Variants in ARHGAP24 observed in about 807,000 individuals in gnomAD.
ARHGAP24 encodes the protein rho GTPase-activating protein 24.
Under a neutral mutation model 76.4 loss-of-function variants are expected in ARHGAP24, and 50 were observed. That is an observed-to-expected ratio of 0.65 (90% CI 0.52 to 0.83). The LOEUF is 0.83. ARHGAP24 is among the 40% of genes least tolerant of loss of function. The pLI is 0.00. For missense variants in ARHGAP24, 930 were observed against 914.2 expected (o/e 1.02, Z -0.22); for synonymous variants, 345 against 323.3 (o/e 1.07, Z -0.72).
At chr4:85,675,741 C>T (rs1296584607) in intron 2 of ARHGAP24, among the ~76,000 whole-genome samples, 1 of 152,172 alleles carries the variant, frequency 6.6e-6, no homozygotes, top group Non-Finnish European at 1.5e-5. Context: ...TTATGTTGAG[C>T]TTCAGTTGGC....
In ARHGAP24 at chr4:85,798,247, A is replaced by T. The variant is rs144467291; in HGVS notation, c.268+76275A>T. Among the ~76,000 whole-genome samples, 540 of 152,312 alleles carry T rather than the reference A, an allele frequency of 3.5e-3. 4 individuals are homozygous for T. The highest frequency in any genetic ancestry group is 0.012 in the African/African-American group (503 of 41,564). Reference sequence around the variant, plus strand: ...TGATATAACTCAACAATTTGGATGGAACCCAAGGCATTATGCTCAGTGAAA... The same window carrying T: ...TGATATAACTCAACAATTTGGATGGTACCCAAGGCATTATGCTCAGTGAAA... On this transcript the variant is annotated intron_variant, in intron 3 of 9. Transcript: ENST00000395184.
intron 3 of ARHGAP24, among the ~76,000 whole-genome samples, chr4:85,801,768 G>A (rs561590678): frequency 1.3e-5 from 2 of 152,240 alleles, no homozygotes; most frequent in African/African-American, 2.4e-5. Context: ...ATCTCAGGCA[G>A]GCATTCCTTC....
At chr4:85,660,157 T>C (rs1722324109) in intron 2 of ARHGAP24, among the ~76,000 whole-genome samples, 1 of 152,230 alleles carries the variant, frequency 6.6e-6, no homozygotes, top group South Asian at 2.1e-4. Flanking sequence ...TTTTAAGTTA[T>C]GACTGTCTCT....
chr4:85,693,837 G>A (rs989275983), intron 2 of ARHGAP24, among the ~76,000 whole-genome samples: 1 of 152,178 alleles, frequency 6.6e-6, no homozygotes, highest in Non-Finnish European at 1.5e-5. Context: ...GCCTATGGCC[G>A]CTAGGTGCAT....
At chr4:85,564,924 G>GTA (rs3028011) in intron 1 of ARHGAP24, among the ~76,000 whole-genome samples, 2,166 of 52,522 alleles carry the variant, frequency 0.041, 63 homozygotes, top group East Asian at 0.066. Context: ...AACACACACG[G>GTA]TATATATATA....
intron 2 of ARHGAP24, among the ~76,000 whole-genome samples, chr4:85,678,637 C>G (rs1723085171): frequency 6.6e-6 from 1 of 152,124 alleles, no homozygotes; most frequent in African/African-American, 2.4e-5. Context: ...AAAAAATGAT[C>G]TGTAAAGTCA....
intron 2 of ARHGAP24, among the ~76,000 whole-genome samples, chr4:85,673,389 A>G (rs1327525646): frequency 6.6e-6 from 1 of 151,900 alleles, no homozygotes; most frequent in Admixed American, 6.6e-5. Context: ...TTCCATACTC[A>G]CTTGACAGCT....
chr4:85,531,194 A>G (rs961859215), intron 1 of ARHGAP24, among the ~76,000 whole-genome samples: 2 of 152,064 alleles, frequency 1.3e-5, no homozygotes, highest in Non-Finnish European at 2.9e-5. Flanking sequence ...GAGAAAATAA[A>G]AATGAAGATT....
chr4:85,742,593 A>G (rs1179348058), intron 3 of ARHGAP24, among the ~76,000 whole-genome samples: 1 of 152,246 alleles, frequency 6.6e-6, no homozygotes, highest in Non-Finnish European at 1.5e-5. Flanking sequence ...GTGTTAGGTC[A>G]ATTTCCACAA....
chr4:85,750,096 T>A (rs563281296), intron 3 of ARHGAP24, among the ~76,000 whole-genome samples: 18 of 152,240 alleles, frequency 1.2e-4, no homozygotes, highest in African/African-American at 4.3e-4. Context: ...TTAAACATGA[T>A]GAAATGTCAG....
intron 2 of ARHGAP24, among the ~76,000 whole-genome samples, chr4:85,596,664 G>A (rs886521411): frequency 6.6e-6 from 1 of 151,956 alleles, no homozygotes; most frequent in African/African-American, 2.4e-5. Flanking sequence ...GCAAATCCAA[G>A]GGACTGAAAT....
chr4:85,669,289 G>C (rs1722741329), intron 2 of ARHGAP24, among the ~76,000 whole-genome samples: 1 of 152,032 alleles, frequency 6.6e-6, no homozygotes, highest in African/African-American at 2.4e-5. Context: ...ATACTTATTT[G>C]ACTTTTCTCT....
chr4:85,876,668 A>G (rs756422909), intron 3 of ARHGAP24, among the ~76,000 whole-genome samples: 1 of 152,216 alleles, frequency 6.6e-6, no homozygotes, highest in Non-Finnish European at 1.5e-5. Context: ...AAAATAACAT[A>G]AAATCAAGAT....
At chr4:85,876,491 A>C (rs998124464) in intron 3 of ARHGAP24, among the ~76,000 whole-genome samples, 3 of 152,128 alleles carry the variant, frequency 2.0e-5, no homozygotes, top group Non-Finnish European at 2.9e-5. Context: ...CAACTGTAAG[A>C]TCTCTGCTCT....
chr4:85,656,604 A>C (rs1385458636), intron 2 of ARHGAP24, among the ~76,000 whole-genome samples: 1 of 152,070 alleles, frequency 6.6e-6, no homozygotes, highest in African/African-American at 2.4e-5. Flanking sequence ...AGTAGCTGGG[A>C]TTACAAGCGT....
intron 5 of ARHGAP24, among the ~76,000 whole-genome samples, chr4:85,967,788 T>C (rs920760968): frequency 7.2e-5 from 11 of 152,166 alleles, no homozygotes; most frequent in Admixed American, 3.3e-4. Flanking sequence ...AACTTCTACC[T>C]GTTAAAAGAC....
At chr4:85,921,085 C>A (rs563095622) in intron 3 of ARHGAP24, among the ~76,000 whole-genome samples, 1 of 152,286 alleles carries the variant, frequency 6.6e-6, no homozygotes, top group African/African-American at 2.4e-5. Context: ...CACATATGTG[C>A]ATTTCAACAT....
intron 3 of ARHGAP24, among the ~76,000 whole-genome samples, chr4:85,913,181 T>A (rs1416604166): frequency 1.3e-5 from 2 of 152,066 alleles, no homozygotes; most frequent in Non-Finnish European, 2.9e-5. Context: ...TTAAAATGCC[T>A]GAAAGATTTG....
chr4:85,621,419 T>C (rs368244353), intron 2 of ARHGAP24, among the ~76,000 whole-genome samples: 21 of 152,176 alleles, frequency 1.4e-4, no homozygotes, highest in African/African-American at 4.8e-4. Context: ...TTCACTTCTT[T>C]GCCAACATCT....
Sources: allele counts gnomAD v4.1 joint callset (sites outside exome capture counted in the v4.1 genomes callset), GRCh38; gene constraint gnomAD v4.1.1; transcripts MANE v1.5; gene names NCBI Gene and HGNC (gene_info 2026-07-23, HGNC 2026-07-21).